The following CPA6 variants were observed in gnomAD, a reference collection of about 807,000 sequenced individuals.
The protein encoded by CPA6 is carboxypeptidase A6, also known as carboxypeptidase B.
CPA6 carries 58 observed loss-of-function variants against 63.3 expected under a neutral mutation model. The observed-to-expected ratio is 0.92, with a 90% CI of 0.74 to 1.14. CPA6 has a LOEUF of 1.14. CPA6 is among the 50% of genes most tolerant of loss of function. The pLI is 0.00. For synonymous variants in CPA6, 185 were observed against 179.0 expected, an observed-to-expected ratio of 1.03 and a Z score of -0.27; for missense variants, 565 against 526.6, an observed-to-expected ratio of 1.07 and a Z score of -0.71.
At chr8:67,480,861 T>C (rs1811343681) in intron 8 of CPA6, among the ~76,000 whole-genome samples, 1 of 152,220 alleles carries the variant, frequency 6.6e-6, no homozygotes, top group African/African-American at 2.4e-5. Flanking sequence ...GCCGTCTTAG[T>C]AGATGTGAAG....
intron 1 of CPA6, among the ~76,000 whole-genome samples, chr8:67,668,546 A>T (rs538636109): frequency 8.5e-5 from 13 of 152,334 alleles, no homozygotes; most frequent in African/African-American, 2.2e-4. Context: ...TACTTATTTC[A>T]AAATTAATAT....
chr8:67,458,716 A>G (rs1810732952), intron 8 of CPA6, among the ~76,000 whole-genome samples: 2 of 152,246 alleles, frequency 1.3e-5, no homozygotes, highest in African/African-American at 4.8e-5. Context: ...GTAATAAGAA[A>G]ACAATTTAAA....
chr8:67,628,800 C>T (rs1815251572), intron 1 of CPA6, among the ~76,000 whole-genome samples: 1 of 152,178 alleles, frequency 6.6e-6, no homozygotes, highest in African/African-American at 2.4e-5. Flanking sequence ...AGTTAAGTTC[C>T]TATGGGCATA....
At chr8:67,506,753 C>G in intron 6 of CPA6, 34 bp downstream of exon 6, 1 of 1,401,208 alleles carries the variant, frequency 7.1e-7, no homozygotes, top group Non-Finnish European at 1.0e-6. Flanking sequence ...CACTGACTAG[C>G]TGAAATGGAC....
intron 8 of CPA6, among the ~76,000 whole-genome samples, chr8:67,464,098 C>T (rs1374422406): frequency 6.6e-6 from 1 of 152,206 alleles, no homozygotes; most frequent in Middle Eastern, 3.2e-3. Context: ...AACTGCTTTC[C>T]ACAGTGGCTG....
At chr8:67,744,279 G>A (rs565708793) in intron 1 of CPA6, among the ~76,000 whole-genome samples, 1 of 152,206 alleles carries the variant, frequency 6.6e-6, no homozygotes, top group East Asian at 1.9e-4. Flanking sequence ...CCTACTCTTA[G>A]ACATCTGGTA....
At chr8:67,682,045 T>C (rs577829089) in intron 1 of CPA6, among the ~76,000 whole-genome samples, 1 of 152,308 alleles carries the variant, frequency 6.6e-6, no homozygotes, top group South Asian at 2.1e-4. Flanking sequence ...GTGACTTTTT[T>C]CCCTCCAGCT....
intron 1 of CPA6, among the ~76,000 whole-genome samples, chr8:67,678,478 A>G (rs1437170772): frequency 1.3e-5 from 2 of 152,214 alleles, no homozygotes; most frequent in African/African-American, 4.8e-5. Context: ...TTGAATGGGC[A>G]TTTCATGAAA....
intron 1 of CPA6, among the ~76,000 whole-genome samples, chr8:67,697,029 C>G (rs1816924430): frequency 6.6e-6 from 1 of 152,200 alleles, no homozygotes; most frequent in Non-Finnish European, 1.5e-5. Context: ...CCACACCATT[C>G]TATAAGGTGG....
At chr8:67,444,339 A>T (rs1425562758) in intron 8 of CPA6, among the ~76,000 whole-genome samples, 1 of 152,160 alleles carries the variant, frequency 6.6e-6, no homozygotes, top group African/African-American at 2.4e-5. Context: ...GGATGTGGAC[A>T]TATAGGGAGA....
At chr8:67,427,460 G>C (rs1032301317) in intron 10 of CPA6, among the ~76,000 whole-genome samples, 3 of 152,278 alleles carry the variant, frequency 2.0e-5, no homozygotes, top group African/African-American at 7.2e-5. Flanking sequence ...CCTGCCTGGT[G>C]TCAATTTGGT....
chr8:67,681,472 G>T (rs1206077231), intron 1 of CPA6, among the ~76,000 whole-genome samples: 1 of 151,648 alleles, frequency 6.6e-6, no homozygotes, highest in East Asian at 1.9e-4. Context: ...GCCTCCCAAA[G>T]TGCTGGGATT....
At chr8:67,745,760 A>G (rs1397149404) in intron 1 of CPA6, among the ~76,000 whole-genome samples, 1 of 152,190 alleles carries the variant, frequency 6.6e-6, no homozygotes, top group African/African-American at 2.4e-5. Flanking sequence ...ACAGAATCCC[A>G]TTCAACCCTG....
rs192541684 is a variant in CPA6, at chr8:67,736,989, A to G, written c.116+9025T>C. 4.6e-5 allele frequency among the ~76,000 whole-genome samples: 7 copies of G among 152,296 alleles called. No homozygotes were observed. The East Asian group carries it at 9.7e-4, about 21-fold the overall frequency. On this transcript the variant is annotated intron_variant, in intron 1 of 10. Transcript: ENST00000297770. ...CATTAACCAGGCCCTACCTCGTATT[A>G]CTAAGGTCACCATAACATCCCAGTC...
intron 1 of CPA6, among the ~76,000 whole-genome samples, chr8:67,674,515 C>T (rs1587691646): frequency 6.6e-6 from 1 of 152,224 alleles, no homozygotes; most frequent in African/African-American, 2.4e-5. Context: ...TTAAATTTCC[C>T]AAACAACAGA....
At chr8:67,681,195 A>ATTTTCTTTTTTTTTTTT (rs1816585602) in intron 1 of CPA6, among the ~76,000 whole-genome samples, 1 of 97,144 alleles carries the variant, frequency 1.0e-5, no homozygotes, top group Non-Finnish European at 1.9e-5. Flanking sequence ...GGTCACAAAG[A>ATTTTCTTTTTTTTTTTT]TTTTCTTTTT....
chr8:67,632,098 C>T (rs1815347509), intron 1 of CPA6, among the ~76,000 whole-genome samples: 1 of 151,912 alleles, frequency 6.6e-6, no homozygotes, highest in Admixed American at 6.6e-5. Context: ...TAACTGTATT[C>T]ATAAGGAAGC....
chr8:67,657,668 T>A (rs1478223227), intron 1 of CPA6, among the ~76,000 whole-genome samples: 1 of 152,190 alleles, frequency 6.6e-6, no homozygotes, highest in Non-Finnish European at 1.5e-5. Context: ...CCTAGAAGGT[T>A]CTAAACTACT....
rs775970040 is a variant in CPA6, at chr8:67,470,999, C to T, written c.838+12769G>A. On this transcript the variant is annotated intron_variant, in intron 8 of 10. Coordinates refer to ENST00000297770, the MANE Select transcript of CPA6 (RefSeq NM_020361.5). ...TGTTCCTTGGTTCAAAACTCTCCAG[C>T]GCTTTCCCAACCTATGCAGAATAAA... 6.6e-5 allele frequency among the ~76,000 whole-genome samples: 10 copies of T among 152,166 alleles called. No homozygotes were observed. The East Asian group carries it at 9.6e-4, about 15-fold the overall frequency.
Sources: gnomAD v4.1 joint callset for allele counts (sites outside exome capture counted in the v4.1 genomes callset) on GRCh38, gnomAD v4.1.1 for gene constraint, MANE v1.5 for transcripts, NCBI Gene and HGNC (gene_info 2026-07-23, HGNC 2026-07-21) for gene names.